The following UNC13C variants were observed in gnomAD, a reference collection of about 807,000 sequenced individuals.
The protein encoded by UNC13C is protein unc-13 homolog C.
UNC13C carries 174 observed loss-of-function variants against 245.4 expected under a neutral mutation model. The ratio of observed to expected loss-of-function variants is 0.71; its 90% CI spans 0.63 to 0.80. The LOEUF (loss-of-function observed/expected upper bound fraction) is 0.80. Ranked by LOEUF, UNC13C falls within the 30% of genes least tolerant of loss-of-function variation. The pLI, the probability that UNC13C is intolerant of heterozygous loss-of-function variation, is 0.00. For missense variants in UNC13C, 2,829 were observed against 2,602.9 expected, an observed-to-expected ratio of 1.09 and a Z score of -1.89; for synonymous variants, 992 against 895.1, an observed-to-expected ratio of 1.11 and a Z score of -1.93.
chr15:54,342,845 A>G (rs1187274683), intron 17 of UNC13C, among the ~76,000 whole-genome samples: 1 of 152,112 alleles, frequency 6.6e-6, no homozygotes, highest in African/African-American at 2.4e-5. Context: ...GGCATTGCAT[A>G]AGCAAAACAA....
intron 22 of UNC13C, among the ~76,000 whole-genome samples, chr15:54,505,143 A>G (rs1894414279): frequency 1.3e-5 from 2 of 152,144 alleles, no homozygotes; most frequent in African/African-American, 2.4e-5. Flanking sequence ...TTAGAACAAG[A>G]TGCAACAGTC....
At chr15:54,267,165 A>G (rs2036567925) in intron 10 of UNC13C, among the ~76,000 whole-genome samples, 1 of 147,422 alleles carries the variant, frequency 6.8e-6, no homozygotes, top group South Asian at 2.1e-4. Flanking sequence ...ATTTGTGTGG[A>G]CATATGTTTT....
At chr15:54,140,241 TA>T (rs1595901522) in intron 2 of UNC13C, among the ~76,000 whole-genome samples, 2 of 152,216 alleles carry the variant, frequency 1.3e-5, no homozygotes, top group Admixed American at 6.5e-5. Flanking sequence ...TGTTAGATTA[TA>T]ATTCATCTTC....
intron 30 of UNC13C, among the ~76,000 whole-genome samples, chr15:54,579,780 A>T (rs922573402): frequency 6.6e-6 from 1 of 152,082 alleles, no homozygotes; most frequent in Non-Finnish European, 1.5e-5. Flanking sequence ...AAACAAGAAA[A>T]ACTTTAGGAT....
chr15:54,083,625 C>A (rs2141122144), intron 2 of UNC13C, among the ~76,000 whole-genome samples: 1 of 152,296 alleles, frequency 6.6e-6, no homozygotes, highest in South Asian at 2.1e-4. Flanking sequence ...GGTGCTGCCC[C>A]TTCCAGAGAT....
intron 2 of UNC13C, among the ~76,000 whole-genome samples, chr15:54,108,558 A>G (rs1173326092): frequency 1.3e-5 from 2 of 152,176 alleles, no homozygotes; most frequent in Non-Finnish European, 2.9e-5. Context: ...TTGTAAAATA[A>G]TCATAGTATT....
At chr15:53,984,066 A>C (rs112237305) in intron 1 of UNC13C, among the ~76,000 whole-genome samples, 1 of 152,052 alleles carries the variant, frequency 6.6e-6, no homozygotes, top group African/African-American at 2.4e-5. Context: ...TTCTCTGAGC[A>C]TCTGTTCTGC....
intron 1 of UNC13C, among the ~76,000 whole-genome samples, chr15:53,996,363 G>A (rs1189265152): frequency 6.6e-6 from 1 of 152,172 alleles, no homozygotes; most frequent in Non-Finnish European, 1.5e-5. Context: ...GGTCTTTGCG[G>A]TAAAGATTAA....
intron 2 of UNC13C, among the ~76,000 whole-genome samples, chr15:54,093,735 A>G (rs1899695680): frequency 1.3e-5 from 2 of 152,200 alleles, no homozygotes; most frequent in East Asian, 1.9e-4. Flanking sequence ...GTCTATATCA[A>G]TAACACCTTT....
chr15:54,038,248 G>A (rs116135115), intron 2 of UNC13C, among the ~76,000 whole-genome samples: 3,472 of 149,984 alleles, frequency 0.023, 42 homozygotes, highest in South Asian at 0.071. Context: ...TTAGCCTCCT[G>A]AGTAGCTGCA....
intron 4 of UNC13C, among the ~76,000 whole-genome samples, chr15:54,147,103 C>A (rs1042631785): frequency 6.6e-6 from 1 of 152,134 alleles, no homozygotes; most frequent in African/African-American, 2.4e-5. Flanking sequence ...GAATGACACA[C>A]TGGAGGTGTG....
At chr15:54,308,485 T>C (rs900890775) in intron 13 of UNC13C, among the ~76,000 whole-genome samples, 2 of 151,894 alleles carry the variant, frequency 1.3e-5, no homozygotes, top group Non-Finnish European at 2.9e-5. Flanking sequence ...TATATATTAC[T>C]TTACATAGTT....
chr15:54,061,120 TAATAA>T lies in UNC13C; in HGVS notation c.2983+45237_2983+45241del, dbSNP rs1308038241. The stretch of plus-strand genomic sequence containing the variant: ...TACCCTAAAACTTAAAGTATAATAA[TAATAA>T]AAAAAAAAGGAATCTAAATTTAAAA... On this transcript the variant is annotated intron_variant, in intron 2 of 32. Transcript: ENST00000260323. Among the ~76,000 whole-genome samples the T allele has an allele frequency of 3.2e-3, 8 of 2,466 alleles. No homozygotes were observed. In the South Asian group the frequency reaches 0.12, roughly 39 times the overall value. 1.6% of individuals were successfully genotyped at this position (2,466 alleles called of 152,430 possible).
chr15:54,425,929 T>G (rs2040749921), intron 19 of UNC13C, among the ~76,000 whole-genome samples: 1 of 151,782 alleles, frequency 6.6e-6, no homozygotes, highest in Admixed American at 6.6e-5. Flanking sequence ...TCCATTTTCC[T>G]TTCTCTCACA....
the UNC13C span, among the ~76,000 whole-genome samples, chr15:53,884,226 G>A: frequency 1.3e-5 from 2 of 152,194 alleles, no homozygotes; most frequent in Non-Finnish European, 2.9e-5. Flanking sequence ...GAAGGGACCT[G>A]TCCAGGTCAT....
At chr15:54,089,620 T>A (rs1899447699) in intron 2 of UNC13C, among the ~76,000 whole-genome samples, 1 of 151,926 alleles carries the variant, frequency 6.6e-6, no homozygotes, top group South Asian at 2.1e-4. Context: ...AAATTTTCAA[T>A]TAATCCAGTG....
At chr15:54,385,188 T>C (rs1330252068) in intron 17 of UNC13C, among the ~76,000 whole-genome samples, 1 of 152,136 alleles carries the variant, frequency 6.6e-6, no homozygotes, top group East Asian at 1.9e-4. Context: ...TGGAAAGATA[T>C]GGAATCAACC....
intron 22 of UNC13C, among the ~76,000 whole-genome samples, chr15:54,506,493 G>A (rs1202887572): frequency 6.6e-6 from 1 of 151,970 alleles, no homozygotes; most frequent in Non-Finnish European, 1.5e-5. Flanking sequence ...TTCTATTTGA[G>A]CTGATGCATA....
At chr15:54,414,587 C>G (rs1197795449) in intron 18 of UNC13C, among the ~76,000 whole-genome samples, 3 of 151,968 alleles carry the variant, frequency 2.0e-5, no homozygotes, top group African/African-American at 7.3e-5. Flanking sequence ...GCAGAGATTG[C>G]AGTGAGCCAA....
Sources: gnomAD v4.1 joint callset for allele counts (sites outside exome capture counted in the v4.1 genomes callset) on GRCh38, gnomAD v4.1.1 for gene constraint, MANE v1.5 for transcripts, NCBI Gene and HGNC (gene_info 2026-07-23, HGNC 2026-07-21) for gene names.